Variants in SORCS1 observed in about 807,000 individuals in gnomAD.
The protein encoded by SORCS1 is sortilin related VPS10 domain containing receptor 1.
SORCS1 carries 60 observed loss-of-function variants against 146.1 expected under a neutral mutation model. The observed-to-expected ratio is 0.41, with a 90% CI of 0.33 to 0.51. The LOEUF is 0.51. Ranked by LOEUF, SORCS1 falls within the 20% of genes least tolerant of loss-of-function variation. The probability of loss-of-function intolerance (pLI) is 0.21; values close to 1 mark genes in which losing one functional copy is unlikely to be tolerated. For synonymous variants in SORCS1, 637 were observed against 584.0 expected (o/e 1.09, Z -1.31); for missense variants, 1,352 against 1,487.6 (o/e 0.91, Z 1.50).
intron 14 of SORCS1, 119 bp downstream of exon 14, chr10:106,674,930 C>A (rs933241087): frequency 3.2e-5 from 23 of 721,900 alleles, no homozygotes; most frequent in Non-Finnish European, 3.9e-5. Context: ...TACACTCTTG[C>A]AGTAAGATGC....
intron 17 of SORCS1, among the ~76,000 whole-genome samples, chr10:106,664,709 T>C (rs1212744588): frequency 1.3e-5 from 2 of 152,100 alleles, no homozygotes; most frequent in African/African-American, 4.8e-5. Context: ...TCATTCAGCC[T>C]TGGTCTATGA....
At chr10:106,944,162 T>C (rs572244157) in intron 2 of SORCS1, among the ~76,000 whole-genome samples, 1 of 152,234 alleles carries the variant, frequency 6.6e-6, no homozygotes, top group Admixed American at 6.5e-5. Context: ...GGTGAATCCA[T>C]AACATGACAC....
intron 2 of SORCS1, among the ~76,000 whole-genome samples, chr10:106,952,742 G>C (rs1315872733): frequency 6.6e-6 from 1 of 151,474 alleles, no homozygotes; most frequent in African/African-American, 2.4e-5. Context: ...TTGGGAGGCT[G>C]AGGTGGGAGG....
chr10:106,907,777 A>T (rs896973270), intron 2 of SORCS1, among the ~76,000 whole-genome samples: 3 of 151,974 alleles, frequency 2.0e-5, no homozygotes, highest in African/African-American at 7.3e-5. Context: ...AAATACAAAA[A>T]TTAGCCAGGC....
intron 1 of SORCS1, among the ~76,000 whole-genome samples, chr10:107,161,662 C>T (rs1383763568): frequency 2.0e-5 from 3 of 151,922 alleles, no homozygotes; most frequent in Non-Finnish European, 2.9e-5. Flanking sequence ...TTCAGGTCTC[C>T]ACTCTGCTTT....
At chr10:107,173,398 G>A in the SORCS1 span, among the ~76,000 whole-genome samples, 3 of 152,146 alleles carry the variant, frequency 2.0e-5, no homozygotes, top group African/African-American at 7.2e-5. Context: ...ACCAAAAAAA[G>A]TAGGGGAAGG....
At chr10:107,118,975 G>A (rs1966218697) in intron 1 of SORCS1, among the ~76,000 whole-genome samples, 1 of 152,110 alleles carries the variant, frequency 6.6e-6, no homozygotes, top group African/African-American at 2.4e-5. Context: ...GTCCCTGAGT[G>A]ATAACTATGC....
rs182235171 is a variant in SORCS1, at chr10:106,728,870, T to C, written c.1024+1180A>G. ...GTAGCCTACAACAGCCTCATTGCTCTGTGGTAATTGTGGATAGTCCATTCT... is the reference window on the plus strand; with the variant it reads ...GTAGCCTACAACAGCCTCATTGCTCCGTGGTAATTGTGGATAGTCCATTCT... On this transcript the variant is annotated intron_variant, in intron 6 of 25. Transcript: ENST00000263054. Among the ~76,000 whole-genome samples the C allele has an allele frequency of 2.9e-3, 440 of 152,336 alleles. 3 individuals are homozygous for C. The highest frequency in any genetic ancestry group is 5.1e-3 in the Non-Finnish European group (344 of 68,032).
intron 1 of SORCS1, among the ~76,000 whole-genome samples, chr10:106,959,440 C>T (rs1955119902): frequency 6.6e-6 from 1 of 152,120 alleles, no homozygotes; most frequent in South Asian, 2.1e-4. Flanking sequence ...TATTTACCAT[C>T]TTATTACTGA....
At chr10:107,008,381 T>C (rs1957543708) in intron 1 of SORCS1, among the ~76,000 whole-genome samples, 1 of 152,200 alleles carries the variant, frequency 6.6e-6, no homozygotes, top group African/African-American at 2.4e-5. Flanking sequence ...AAATTTTCTC[T>C]GGGACAACTA....
At chr10:106,808,744 C>T (rs1282280213) in intron 3 of SORCS1, among the ~76,000 whole-genome samples, 4 of 152,154 alleles carry the variant, frequency 2.6e-5, no homozygotes, top group Non-Finnish European at 5.9e-5. Context: ...CCTCATGATC[C>T]GCCCACCTTG....
At chr10:106,697,889 A>G (rs17121230) in intron 9 of SORCS1, among the ~76,000 whole-genome samples, 3,635 of 152,344 alleles carry the variant, frequency 0.024, 89 homozygotes, top group East Asian at 0.09. Context: ...ATGAAACTAA[A>G]TCATCACAAT....
chr10:106,890,751 A>G (rs1378526094), intron 2 of SORCS1, among the ~76,000 whole-genome samples: 1 of 152,194 alleles, frequency 6.6e-6, no homozygotes, highest in Non-Finnish European at 1.5e-5. Context: ...TTGTACCTCT[A>G]TGAACCAAAG....
chr10:106,670,913 C>T (rs995655392), intron 16 of SORCS1, among the ~76,000 whole-genome samples: 1 of 151,886 alleles, frequency 6.6e-6, no homozygotes, highest in Non-Finnish European at 1.5e-5. Context: ...AGGCTGGTCC[C>T]AAACTCCTGA....
At position 107,041,441 on chromosome 10, in the gene SORCS1, A is replaced by T. The variant is rs955732402; in HGVS notation, c.559-84861T>A. ...AAAAGAAAGAAAAGCGAGAAAGGAG[A>T]TTTCTGATAACTTCAGCATTAGGAT... On this transcript the variant is annotated intron_variant, in intron 1 of 25. Transcript: ENST00000263054. Among the ~76,000 whole-genome samples, 4 of 151,760 alleles carry T rather than the reference A, an allele frequency of 2.6e-5. 1 individual carries two copies. The highest frequency in any genetic ancestry group is 2.6e-4 in the Admixed American group (4 of 15,222).
At chr10:106,588,458 C>T (rs1845375775) in intron 24 of SORCS1, among the ~76,000 whole-genome samples, 1 of 152,150 alleles carries the variant, frequency 6.6e-6, no homozygotes, top group African/African-American at 2.4e-5. Context: ...GTTCACCTTT[C>T]CTTGTTATGC....
At chr10:106,747,209 T>C (rs1474826435) in intron 5 of SORCS1, among the ~76,000 whole-genome samples, 2 of 152,214 alleles carry the variant, frequency 1.3e-5, no homozygotes, top group African/African-American at 2.4e-5. Context: ...CTCTAAATTA[T>C]AGAATTGTCC....
At chr10:106,596,798 A>C (rs1218299582) in intron 24 of SORCS1, among the ~76,000 whole-genome samples, 1 of 152,182 alleles carries the variant, frequency 6.6e-6, no homozygotes, top group African/African-American at 2.4e-5. Flanking sequence ...TGATGAGATA[A>C]ATAAAGCATG....
At chr10:106,708,413 T>TTA (rs572557663) in intron 7 of SORCS1, among the ~76,000 whole-genome samples, 37 of 151,820 alleles carry the variant, frequency 2.4e-4, no homozygotes, top group African/African-American at 3.1e-4. Flanking sequence ...GAATGGGTCT[T>TTA]TATATATATA....
Sources: gnomAD v4.1 joint callset for allele counts (sites outside exome capture counted in the v4.1 genomes callset) on GRCh38, gnomAD v4.1.1 for gene constraint, MANE v1.5 for transcripts, NCBI Gene and HGNC (gene_info 2026-07-23, HGNC 2026-07-21) for gene names.